Variants in SLC39A12 observed in about 807,000 individuals in gnomAD.
The protein encoded by SLC39A12 is solute carrier family 39 member 12.
SLC39A12 carries 63 observed loss-of-function variants against 71.1 expected under a neutral mutation model. The ratio of observed to expected loss-of-function variants is 0.89; its 90% confidence interval spans 0.72 to 1.09. SLC39A12 has a LOEUF of 1.09. SLC39A12 is among the 50% of genes least tolerant of loss of function. The pLI is 0.00. For missense variants in SLC39A12, 892 were observed against 812.6 expected, an observed-to-expected ratio of 1.10 and a Z score of -1.19; for synonymous variants, 351 against 301.3, an observed-to-expected ratio of 1.16 and a Z score of -1.71.
intron 7 of SLC39A12, among the ~76,000 whole-genome samples, chr10:17,989,259 T>C (rs550958305): frequency 9.6e-4 from 147 of 152,366 alleles, no homozygotes; most frequent in African/African-American, 3.2e-3. Flanking sequence ...GGGTCACTCT[T>C]GTTGCTTCGA....
chr10:18,005,260 C>G (rs1028280650), intron 12 of SLC39A12: 1 of 152,144 alleles, frequency 6.6e-6, no homozygotes, highest in Non-Finnish European at 1.5e-5. Context: ...TTTTCTGAAC[C>G]TATCCCCCAA....
At chr10:17,977,402 A>G (rs1835136770) in intron 4 of SLC39A12, among the ~76,000 whole-genome samples, 1 of 152,002 alleles carries the variant, frequency 6.6e-6, no homozygotes, top group Non-Finnish European at 1.5e-5. Flanking sequence ...AATCCATATA[A>G]ATTTACTGTT....
At chr10:18,035,594 T>C (rs1836980441) in intron 12 of SLC39A12, among the ~76,000 whole-genome samples, 1 of 152,288 alleles carries the variant, frequency 6.6e-6, no homozygotes, top group East Asian at 1.9e-4. Context: ...TTGCTTTGAA[T>C]GTCCTCCCAT....
chr10:18,037,800 G>C (rs1436138291), intron 12 of SLC39A12, among the ~76,000 whole-genome samples: 1 of 151,844 alleles, frequency 6.6e-6, no homozygotes, highest in Non-Finnish European at 1.5e-5. Flanking sequence ...AAGGTGGGCG[G>C]ATCACCGTCA....
chr10:17,993,422 T>C, intron 9 of SLC39A12, 131 bp downstream of exon 9: 1 of 685,206 alleles, frequency 1.5e-6, no homozygotes, highest in Admixed American at 2.9e-5. Context: ...TTAACTGTGA[T>C]AAATACTGTT....
intron 12 of SLC39A12, among the ~76,000 whole-genome samples, chr10:18,021,790 G>A (rs1289017176): frequency 6.6e-6 from 1 of 152,106 alleles, no homozygotes; most frequent in Non-Finnish European, 1.5e-5. Context: ...ACTTCCTTAA[G>A]GACCTCTTGG....
intron 12 of SLC39A12, among the ~76,000 whole-genome samples, chr10:18,040,641 T>C (rs1241523114): frequency 6.6e-6 from 1 of 151,886 alleles, no homozygotes; most frequent in East Asian, 1.9e-4. Context: ...TGGTGGTGGA[T>C]GCCTATAGTT....
intron 4 of SLC39A12, among the ~76,000 whole-genome samples, chr10:17,973,055 AT>A (rs1835015243): frequency 6.6e-6 from 1 of 152,100 alleles, no homozygotes; most frequent in African/African-American, 2.4e-5. Flanking sequence ...ATAATCCATT[AT>A]TTTAAACTGA....
At chr10:18,023,431 G>T (rs1836589177) in intron 12 of SLC39A12, among the ~76,000 whole-genome samples, 1 of 152,176 alleles carries the variant, frequency 6.6e-6, no homozygotes, top group Admixed American at 6.5e-5. Flanking sequence ...CAGCCTGGTG[G>T]TAGGGGACCA....
chr10:17,971,383 T>C (rs915817755), intron 4 of SLC39A12, among the ~76,000 whole-genome samples: 1 of 150,770 alleles, frequency 6.6e-6, no homozygotes, highest in South Asian at 2.1e-4. Flanking sequence ...TCCTCCTCTA[T>C]TTTTTGGAAT....
chr10:17,961,414 C>G (rs1233155909), intron 2 of SLC39A12, among the ~76,000 whole-genome samples, 167 bp from the exon 3 acceptor site: 1 of 152,166 alleles, frequency 6.6e-6, no homozygotes, highest in Admixed American at 6.5e-5. Context: ...AGACAGGCAT[C>G]ATTGTTATGC....
chr10:17,998,094 G>A (rs113055116), intron 10 of SLC39A12, among the ~76,000 whole-genome samples: 25 of 152,264 alleles, frequency 1.6e-4, no homozygotes, highest in African/African-American at 6.0e-4. Context: ...TGCCTCCTGG[G>A]TTTAAGCGAT....
chr10:17,966,246 G>T (rs1363109723), intron 4 of SLC39A12, among the ~76,000 whole-genome samples: 1 of 152,152 alleles, frequency 6.6e-6, no homozygotes, highest in East Asian at 1.9e-4. Context: ...TACTTGAGAA[G>T]ACATTAAAAA....
chr10:18,028,845 G>A (rs1003250402), intron 12 of SLC39A12, among the ~76,000 whole-genome samples: 7 of 151,626 alleles, frequency 4.6e-5, no homozygotes, highest in Admixed American at 2.6e-4. Flanking sequence ...TCAGCCTCCC[G>A]AGTAGCTAGG....
At chr10:18,010,754 C>G (rs564342358) in intron 12 of SLC39A12, among the ~76,000 whole-genome samples, 2 of 152,246 alleles carry the variant, frequency 1.3e-5, no homozygotes, top group East Asian at 3.9e-4. Context: ...ACACACAGAT[C>G]TTCCAAAGCA....
intron 6 of SLC39A12, 78 bp from the exon 7 acceptor site, chr10:17,987,398 ATTC>A (rs1171552531): frequency 1.0e-5 from 14 of 1,347,060 alleles, no homozygotes; most frequent in Admixed American, 9.4e-5. Context: ...TGTAAGACCA[ATTC>A]TTCTGGCATT....
At chr10:18,036,486 A>C (rs900646057) in intron 12 of SLC39A12, among the ~76,000 whole-genome samples, 8 of 151,910 alleles carry the variant, frequency 5.3e-5, no homozygotes, top group African/African-American at 1.9e-4. Context: ...CAGATGAGGC[A>C]ATGCCTCGCC....
At chr10:18,014,446 G>A (rs1836321495) in intron 12 of SLC39A12, among the ~76,000 whole-genome samples, 2 of 152,238 alleles carry the variant, frequency 1.3e-5, no homozygotes, top group African/African-American at 4.8e-5. Context: ...TAATGCTGTA[G>A]TGCATAAAAA....
At chr10:18,019,852 T>A (rs1836484116) in intron 12 of SLC39A12, among the ~76,000 whole-genome samples, 1 of 152,062 alleles carries the variant, frequency 6.6e-6, no homozygotes, top group Admixed American at 6.6e-5. Flanking sequence ...ATGTTCCACG[T>A]GAGCTGGGGA....
Sources: allele counts gnomAD v4.1 joint callset (sites outside exome capture counted in the v4.1 genomes callset), GRCh38; gene constraint gnomAD v4.1.1; transcripts MANE v1.5; gene names NCBI Gene and HGNC (gene_info 2026-07-23, HGNC 2026-07-21).